Variants in MED13L observed in about 807,000 individuals in gnomAD.
The protein encoded by MED13L is mediator complex subunit 13L.
In MED13L, 7 loss-of-function variants were observed where a neutral mutation model predicts 220.9. The ratio of observed to expected loss-of-function variants is 0.03; its 90% CI spans 0.02 to 0.06. The LOEUF (loss-of-function observed/expected upper bound fraction) is 0.06, where lower values mean the gene tolerates loss of function less well. Ranked by LOEUF, MED13L falls within the 10% of genes least tolerant of loss-of-function variation. The probability of loss-of-function intolerance (pLI) is 1.00; values close to 1 mark genes in which losing one functional copy is unlikely to be tolerated. For synonymous variants in MED13L, 1,011 were observed against 1,015.2 expected (o/e 1.00, Z 0.08); for missense variants, 1,965 against 2,760.5 (o/e 0.71, Z 6.46).
chr12:116,032,900 G>A (rs1455545151), intron 4 of MED13L, among the ~76,000 whole-genome samples: 1 of 152,010 alleles, frequency 6.6e-6, no homozygotes, highest in Non-Finnish European at 1.5e-5. Flanking sequence ...GAGGAGACAA[G>A]GAGAAAGGAA....
chr12:116,155,596 A>G (rs1347142322), intron 2 of MED13L, among the ~76,000 whole-genome samples: 1 of 152,126 alleles, frequency 6.6e-6, no homozygotes, highest in Non-Finnish European at 1.5e-5. Context: ...CACCAAAATA[A>G]TACCTTTTGA....
chr12:116,034,776 T>G (rs1188276306), intron 4 of MED13L, among the ~76,000 whole-genome samples: 2 of 151,952 alleles, frequency 1.3e-5, no homozygotes, highest in East Asian at 3.9e-4. Context: ...GAGGCCAAGG[T>G]GGGTAGATCA....
Position 115,986,285 on chromosome 12 carries a change from T to C in MED13L, c.4319A>G (p.Asp1440Gly), listed in dbSNP as rs971640387. ...CCTCACCTCGTATACAGCACTCAAGTCCCTGAAGAAAGTTTTGGCTCCTTC... is the reference window on the plus strand; with the variant it reads ...CCTCACCTCGTATACAGCACTCAAGCCCCTGAAGAAAGTTTTGGCTCCTTC... ...LLEGAKTFFR[D>G]LSAVYEMCRL... is the part of the protein sequence containing the mutation. The change falls in exon 19 of 31, where the codon GAC becomes GGC. Residue 1440 changes from aspartate (D) to glycine (G), a missense_variant. Coordinates refer to ENST00000281928, the MANE Select transcript of MED13L (RefSeq NM_015335.5). 3.1e-6 allele frequency: 5 copies of C among 1,613,950 alleles called. No individual in the cohort carries two copies. The Admixed American group carries it at 5.0e-5, about 16-fold the overall frequency.
At chr12:116,078,665 G>A (rs1452934973) in intron 4 of MED13L, among the ~76,000 whole-genome samples, 1 of 152,084 alleles carries the variant, frequency 6.6e-6, no homozygotes, top group Non-Finnish European at 1.5e-5. Flanking sequence ...TGCTTTCTCA[G>A]TACAATGTGA....
chr12:116,023,838 T>A lies in MED13L; in HGVS notation c.480-1237A>T, dbSNP rs934933452. On this transcript the variant is annotated intron_variant, in intron 4 of 30. Transcript: ENST00000281928. The stretch of plus-strand genomic sequence containing the variant: ...AACCCTTGATACCATACTTCTAAGT[T>A]CACAAAAGCAAAAATGCACATAATT... 3.9e-5 allele frequency among the ~76,000 whole-genome samples: 6 copies of A among 152,088 alleles called. 1 individual carries two copies. The highest frequency in any genetic ancestry group is 3.9e-4 in the Admixed American group (6 of 15,270).
intron 1 of MED13L, among the ~76,000 whole-genome samples, chr12:116,239,056 C>T (rs531908925): frequency 3.3e-5 from 5 of 152,182 alleles, no homozygotes; most frequent in South Asian, 2.1e-4. Flanking sequence ...GATCGTGCCA[C>T]GGCACTCCAG....
chr12:116,013,056 T>G (rs1366070482), intron 8 of MED13L, among the ~76,000 whole-genome samples, 155 bp from the exon 9 acceptor site: 1 of 152,188 alleles, frequency 6.6e-6, no homozygotes, highest in African/African-American at 2.4e-5. Context: ...ACCTGTTTTA[T>G]GTACTGGAAG....
intron 7 of MED13L, 88 bp downstream of exon 7, chr12:116,019,135 AT>A: frequency 2.3e-6 from 3 of 1,318,128 alleles, no homozygotes; most frequent in Non-Finnish European, 3.1e-6. Flanking sequence ...TCCAACAGGA[AT>A]TTCTGTTTTC....
chr12:116,183,632 G>T (rs1412766247), intron 2 of MED13L, among the ~76,000 whole-genome samples: 1 of 152,048 alleles, frequency 6.6e-6, no homozygotes, highest in African/African-American at 2.4e-5. Context: ...CCTTTAAGGT[G>T]AAATGTCATT....
Position 115,997,051 on chromosome 12 carries a change from C to A in MED13L, c.2749G>T (p.Val917Leu). The A allele has an allele frequency of 6.2e-7, 1 of 1,614,142 alleles. No homozygotes were observed. The highest frequency in any genetic ancestry group is 8.5e-7 in the Non-Finnish European group (1 of 1,179,994). Residue 917 changes from valine (V) to leucine (L), a missense_variant, in exon 15 of 31, where the codon GTG (valine) becomes TTG (leucine). Coordinates refer to ENST00000281928, the MANE Select transcript of MED13L (RefSeq NM_015335.5). ...STQLTEFKME[V>L]EDGLGSPKPE... ...TTGGGACTTCCTAATCCATCTTCCA[C>A]TTCCATTTTGAATTCTGTGAGTTGT...
chr12:116,111,448 C>A lies in MED13L; in HGVS notation c.375G>T (p.Ala125=). ...CTTACCTTTCTAACAGATTGTGGAT[C>A]GCTTTGAAGAGCAGCGTCCTACATT... ...SYECRTLLFK[A]IHNLLERCLM... Residue 125 remains alanine (A), a synonymous_variant, in exon 3 of 31, where the codon GCG becomes GCT. Transcript: ENST00000281928. 1.9e-6 allele frequency: 3 copies of A among 1,611,540 alleles called. No individual in the cohort carries two copies. Among genetic ancestry groups the A allele is most frequent in the Non-Finnish European group, 1.7e-6 (2 of 1,179,418 alleles).
chr12:116,053,526 G>C (rs75000333), intron 4 of MED13L, among the ~76,000 whole-genome samples: 1,722 of 152,234 alleles, frequency 0.011, 15 homozygotes, highest in Non-Finnish European at 0.015. Flanking sequence ...ATTAATATTT[G>C]AGTGTTTACT....
intron 4 of MED13L, among the ~76,000 whole-genome samples, chr12:116,083,330 G>A (rs1871355512): frequency 6.7e-6 from 1 of 149,360 alleles, no homozygotes; most frequent in South Asian, 2.1e-4. Context: ...CTTGAACCCG[G>A]CATGGAGGCT....
At chr12:116,104,465 T>C (rs937665411) in intron 3 of MED13L, among the ~76,000 whole-genome samples, 2 of 152,202 alleles carry the variant, frequency 1.3e-5, no homozygotes, top group African/African-American at 2.4e-5. Flanking sequence ...AAGTAAAATA[T>C]CTTAACTCTA....
chr12:116,140,122 G>A (rs558849163), intron 2 of MED13L, among the ~76,000 whole-genome samples: 41 of 151,962 alleles, frequency 2.7e-4, no homozygotes, highest in Non-Finnish European at 4.7e-4. Context: ...AGAAAAATCT[G>A]CATAAAGTGA....
In MED13L at chr12:116,085,760, A is replaced by T. The variant is rs1593026587; in HGVS notation, c.479+10909T>A. On this transcript the variant is annotated intron_variant, in intron 4 of 30. Transcript: ENST00000281928. Reference sequence around the variant, plus strand: ...AAGAGAAGATTAAAATCACTCACACACACACACACACACACACACACACAC... The same window carrying T: ...AAGAGAAGATTAAAATCACTCACACTCACACACACACACACACACACACAC... 3.5e-5 allele frequency among the ~76,000 whole-genome samples: 4 copies of T among 114,450 alleles called. No individual in the cohort carries two copies. The Admixed American group carries it at 3.6e-4, about 10-fold the overall frequency. The allele number at this position is 114,450 out of a possible 152,430, so 75.1% of individuals were successfully genotyped here.
At chr12:115,986,892 G>T (rs1222355444) in intron 18 of MED13L, among the ~76,000 whole-genome samples, 2 of 152,096 alleles carry the variant, frequency 1.3e-5, no homozygotes, top group Non-Finnish European at 2.9e-5. Flanking sequence ...CACTTTTTAG[G>T]GATTAGCTTC....
At chr12:115,983,617 C>T in intron 20 of MED13L, 77 bp from the exon 21 acceptor site, 2 of 1,462,062 alleles carry the variant, frequency 1.4e-6, no homozygotes, top group Non-Finnish European at 1.9e-6. Flanking sequence ...AGAATGGTCA[C>T]TTGTAAAAAC....
intron 8 of MED13L, among the ~76,000 whole-genome samples, chr12:116,014,795 C>T (rs1879623965): frequency 6.6e-6 from 1 of 152,116 alleles, no homozygotes; most frequent in Non-Finnish European, 1.5e-5. Context: ...AAACCAAACC[C>T]ACTGGTTGCT....
Sources: allele counts gnomAD v4.1 joint callset (sites outside exome capture counted in the v4.1 genomes callset), GRCh38; gene constraint gnomAD v4.1.1; transcripts MANE v1.5; gene names NCBI Gene and HGNC (gene_info 2026-07-23, HGNC 2026-07-21).